The following CTR9 variants were observed in gnomAD, a reference collection of about 807,000 sequenced individuals.
CTR9 encodes CTR9 component of Paf1/RNA polymerase II complex.
CTR9 carries 41 observed loss-of-function variants against 152.1 expected under a neutral mutation model. The observed-to-expected ratio is 0.27, with a 90% CI of 0.21 to 0.35. The LOEUF is 0.35. CTR9 is among the 10% of genes least tolerant of loss of function. CTR9 has a pLI of 1.00. For synonymous variants in CTR9, 476 were observed against 496.2 expected, an observed-to-expected ratio of 0.96 and a Z score of 0.54; for missense variants, 917 against 1,424.4, an observed-to-expected ratio of 0.64 and a Z score of 5.73.
At chr11:10,759,610 G>A (rs1475036370) in intron 5 of CTR9, among the ~76,000 whole-genome samples, 1 of 152,250 alleles carries the variant, frequency 6.6e-6, no homozygotes, top group Non-Finnish European at 1.5e-5. Context: ...ACGTTTATGT[G>A]TAGATGAGAA....
At chr11:10,776,621 C>T (rs1389194282) in intron 24 of CTR9, among the ~76,000 whole-genome samples, 1 of 152,124 alleles carries the variant, frequency 6.6e-6, no homozygotes, top group Admixed American at 6.6e-5. Context: ...AAGATAGGCC[C>T]ATAAATTCTC....
At chr11:10,751,509 C>T (rs760425229) in intron 1 of CTR9, 52 bp downstream of exon 1, 3 of 1,564,856 alleles carry the variant, frequency 1.9e-6, no homozygotes, top group South Asian at 1.1e-5. Flanking sequence ...TACGATCGCC[C>T]CCACCGACTT....
chr11:10,773,668 A>C (rs1408640940), intron 21 of CTR9, among the ~76,000 whole-genome samples: 1 of 152,074 alleles, frequency 6.6e-6, no homozygotes, highest in Non-Finnish European at 1.5e-5. Context: ...TGGGCAGATC[A>C]CTTGAGGTCA....
chr11:10,752,621 A>G lies in CTR9; in HGVS notation c.46-51A>G, dbSNP rs557725587. 6.2e-6 allele frequency: 8 copies of G among 1,284,282 alleles called. No homozygotes were observed. In the African/African-American group the frequency reaches 1.2e-4, roughly 19 times the overall value. The allele number at this position is 1,284,282 out of a possible 1,614,324, so 79.6% of individuals were successfully genotyped here. A position where few individuals can be genotyped will look rare whatever the true frequency, so the allele number is the denominator to read the frequency against. On this transcript the variant is annotated intron_variant, in intron 1 of 24. Coordinates refer to ENST00000361367, the MANE Select transcript of CTR9 (RefSeq NM_014633.5). ...ATTCACGAAAAGCAGCAAAGATGAA[A>G]TGTGAATTTTAAAGTGGAATAAGAG...
intron 12 of CTR9, among the ~76,000 whole-genome samples, 200 bp downstream of exon 12, chr11:10,764,931 C>A (rs968307787): frequency 1.4e-4 from 22 of 152,148 alleles, no homozygotes; most frequent in African/African-American, 4.8e-4. Flanking sequence ...GCAACTAAAA[C>A]CAATTGGACC....
intron 21 of CTR9, 98 bp from the exon 22 acceptor site, chr11:10,773,914 T>G: frequency 1.3e-6 from 1 of 756,848 alleles, no homozygotes; most frequent in South Asian, 2.7e-5. Context: ...TCCTTCATTG[T>G]CAAATGACAA....
intron 3 of CTR9, 25 bp downstream of exon 3, chr11:10,755,222 C>G: frequency 6.3e-7 from 1 of 1,582,710 alleles, no homozygotes; most frequent in Non-Finnish European, 8.6e-7. Flanking sequence ...AAATTTCTTT[C>G]CATTTATGAA....
At chr11:10,775,659 C>A in intron 24 of CTR9, 26 bp downstream of exon 24, 1 of 1,463,754 alleles carries the variant, frequency 6.8e-7, no homozygotes, top group Non-Finnish European at 9.5e-7. Context: ...TTTGTAAATT[C>A]TTCTCATGAT....
chr11:10,775,383 C>T, intron 23 of CTR9, 80 bp downstream of exon 23: 1 of 1,428,386 alleles, frequency 7.0e-7, no homozygotes, highest in Non-Finnish European at 9.7e-7. Flanking sequence ...TCTTTCCTTG[C>T]AGCTTTCTCA....
chr11:10,770,110 C>A, intron 16 of CTR9, 100 bp from the exon 17 acceptor site: 1 of 780,796 alleles, frequency 1.3e-6, no homozygotes, highest in Non-Finnish European at 2.0e-6. Flanking sequence ...GGTAAAACAC[C>A]TTTTTACAGA....
intron 1 of CTR9, among the ~76,000 whole-genome samples, chr11:10,751,701 G>T (rs954568278): frequency 6.6e-6 from 1 of 152,190 alleles, no homozygotes; most frequent in African/African-American, 2.4e-5. Flanking sequence ...TCTCCAGCCT[G>T]TTCGAATTTG....
At chr11:10,769,384 A>G (rs1353091080) in intron 16 of CTR9, among the ~76,000 whole-genome samples, 2 of 152,188 alleles carry the variant, frequency 1.3e-5, no homozygotes, top group African/African-American at 4.8e-5. Flanking sequence ...GGGATATATT[A>G]TGGTCAGAAA....
chr11:10,764,869 T>C (rs1331515995), intron 12 of CTR9, 138 bp downstream of exon 12: 6 of 752,282 alleles, frequency 8.0e-6, no homozygotes, highest in Non-Finnish European at 1.2e-5. Context: ...CAGGGCAAAT[T>C]TGTGGCCTTA....
chr11:10,772,486 A>G (rs1863159631), intron 19 of CTR9, 34 bp from the exon 20 acceptor site: 2 of 1,387,498 alleles, frequency 1.4e-6, no homozygotes, highest in Non-Finnish European at 1.9e-6. Flanking sequence ...TATAGTAGTT[A>G]CATTCATGTT....
intron 10 of CTR9, 28 bp downstream of exon 10, chr11:10,764,229 C>T: frequency 6.2e-7 from 1 of 1,612,942 alleles, no homozygotes; most frequent in East Asian, 2.2e-5. Context: ...TTTAATCTCT[C>T]ATATGATGTG....
rs1029326338 is a variant in CTR9, at chr11:10,779,621, G to A, written c.*516G>A. The A allele has an allele frequency of 6.5e-6, 1 of 153,882 alleles. No individual in the cohort carries two copies. Among genetic ancestry groups the A allele is most frequent in the African/African-American group, 2.4e-5 (1 of 41,456 alleles). The allele number at this position is 153,882 out of a possible 1,614,324, so 9.5% of individuals were successfully genotyped here. A position where few individuals can be genotyped will look rare whatever the true frequency, so the allele number is the denominator to read the frequency against. On this transcript the variant is annotated 3_prime_UTR_variant, in exon 25 of 25. Transcript: ENST00000361367. Reference sequence around the variant, plus strand: ...AGGTTTTCAATAGTGTAATACTGCAGCGATGTAGATAAAATCACAAATGTA... The same window carrying A: ...AGGTTTTCAATAGTGTAATACTGCAACGATGTAGATAAAATCACAAATGTA...
intron 2 of CTR9, among the ~76,000 whole-genome samples, chr11:10,753,883 A>G (rs1168040780): frequency 1.3e-5 from 2 of 152,142 alleles, no homozygotes; most frequent in East Asian, 1.9e-4. Flanking sequence ...CTAACTAGCT[A>G]TGTGACCTTA....
At chr11:10,771,753 A>G in intron 19 of CTR9, 137 bp downstream of exon 19, 1 of 603,124 alleles carries the variant, frequency 1.7e-6, no homozygotes, top group Non-Finnish European at 3.0e-6. Flanking sequence ...GGGACTCTCT[A>G]ATCTTTGCCA....
chr11:10,763,930 C>T, intron 9 of CTR9, 51 bp downstream of exon 9: 1 of 1,422,822 alleles, frequency 7.0e-7, no homozygotes. Flanking sequence ...TGTCCCAAAA[C>T]TCCCATTTCT....
Sources: gnomAD v4.1 joint callset for allele counts (sites outside exome capture counted in the v4.1 genomes callset) on GRCh38, gnomAD v4.1.1 for gene constraint, MANE v1.5 for transcripts, NCBI Gene and HGNC (gene_info 2026-07-23, HGNC 2026-07-21) for gene names.